Variants in IL10 observed in about 807,000 individuals in gnomAD.
IL10 encodes the protein interleukin 10.
IL10 carries 7 observed loss-of-function variants against 21.0 expected under a neutral mutation model. That is an observed-to-expected ratio of 0.33 (90% CI 0.19 to 0.63). The LOEUF is 0.63. IL10 is among the 20% of genes least tolerant of loss of function. The pLI, the probability that IL10 is intolerant of heterozygous loss-of-function variation, is 0.77. For missense variants in IL10, 161 were observed against 213.0 expected (o/e 0.76, Z 1.52); for synonymous variants, 83 against 79.7 (o/e 1.04, Z -0.22).
In IL10 at chr1:206,769,839, G is replaced by T. The variant is rs774072665; in HGVS notation, c.434C>A (p.Ala145Asp). 3.7e-6 allele frequency: 6 copies of T among 1,613,328 alleles called. No homozygotes were observed. Among genetic ancestry groups the T allele is most frequent in the Middle Eastern group, 1.7e-4 (1 of 6,012 alleles). ...ACCATCCAAGCTCACCTTATTAAAG[G>T]CATTCTTCACCTGCTCCACGGCCTT... ...KSKAVEQVKNAFNKLQEKGIY... is the reference protein window; with the variant it reads ...KSKAVEQVKNDFNKLQEKGIY... Residue 145 changes from alanine (A) to aspartate (D), a missense_variant, in exon 4 of 5, where the codon GCC becomes GAC. Ala to Asp is a moderately radical substitution (Grantham distance 126). Transcript: ENST00000423557.
chr1:206,770,558 A>T, intron 3 of IL10: 1 of 353,790 alleles, frequency 2.8e-6, no homozygotes, highest in Non-Finnish European at 5.3e-6. Context: ...TCTGCTTGGG[A>T]ACCTTAGCTC....
intron 2 of IL10, 122 bp from the exon 3 acceptor site, chr1:206,771,181 G>T (rs1043665980): frequency 2.4e-6 from 3 of 1,243,400 alleles, no homozygotes; most frequent in Admixed American, 3.4e-5. Flanking sequence ...AAGCCTCCCC[G>T]AAGGGACTGA....
intron 3 of IL10, 55 bp downstream of exon 3, chr1:206,770,852 T>G: frequency 6.5e-7 from 1 of 1,540,540 alleles, no homozygotes; most frequent in Non-Finnish European, 9.0e-7. Flanking sequence ...TGCTGGTCTG[T>G]AGGAGATGGT....
In IL10 at chr1:206,771,198, T is replaced by C; in HGVS notation, c.226-139A>G. ...GCCTCCCCGAAGGGACTGAGCCCTT[T>C]GTAAACCCTCTGGCTGCTGGATGTG... On this transcript the variant is annotated intron_variant, in intron 2 of 4. Transcript: ENST00000423557. 3.4e-6 allele frequency: 4 copies of C among 1,187,314 alleles called. 1 individual carries two copies. The South Asian group carries it at 4.9e-5, about 14-fold the overall frequency. The allele number at this position is 1,187,314 out of a possible 1,614,324, so 73.5% of individuals were successfully genotyped here. A position where few individuals can be genotyped will look rare whatever the true frequency, so the allele number is the denominator to read the frequency against.
At chr1:206,772,175 G>C in intron 1 of IL10, 96 bp downstream of exon 1, 1 of 1,050,206 alleles carries the variant, frequency 9.5e-7, no homozygotes, top group Admixed American at 1.8e-5. Context: ...GGGGATGGAG[G>C]TGGAGGCGCA....
At chr1:206,770,113 C>T (rs1470663349) in intron 3 of IL10, among the ~76,000 whole-genome samples, 1 of 152,166 alleles carries the variant, frequency 6.6e-6, no homozygotes, top group Admixed American at 6.5e-5. Flanking sequence ...GGATGACAAC[C>T]CAGGTCTTGG....
chr1:206,770,603 G>A, intron 3 of IL10: 1 of 437,516 alleles, frequency 2.3e-6, no homozygotes. Context: ...AGGCAGTGGA[G>A]GCCTGACTGA....
chr1:206,770,644 G>A, intron 3 of IL10: 1 of 526,086 alleles, frequency 1.9e-6, no homozygotes, highest in Non-Finnish European at 3.4e-6. Context: ...AAGAGAGAGG[G>A]GAGTAGTTAA....
intron 3 of IL10, chr1:206,770,297 C>T (rs767953043): frequency 4.1e-5 from 14 of 343,512 alleles, no homozygotes; most frequent in Non-Finnish European, 7.4e-5. Flanking sequence ...TTCACATAGC[C>T]TTGTCCTACA....
intron 4 of IL10, 74 bp from the exon 5 acceptor site, chr1:206,768,802 A>G (rs1674737583): frequency 1.2e-6 from 1 of 862,526 alleles, no homozygotes; most frequent in South Asian, 1.4e-5. Flanking sequence ...CCTCATGCTC[A>G]TGGATGGGCA....
chr1:206,771,557 A>G lies in IL10; in HGVS notation c.166-142T>C, dbSNP rs888460473. 4.2e-6 allele frequency: 3 copies of G among 720,420 alleles called. No individual in the cohort carries two copies. In the Admixed American group the frequency reaches 6.2e-5, roughly 15 times the overall value. 44.6% of individuals were successfully genotyped at this position (720,420 alleles called of 1,614,324 possible). A position where few individuals can be genotyped will look rare whatever the true frequency, so the allele number is the denominator to read the frequency against. Reference sequence around the variant, plus strand: ...CAAAAAAATCAAAAGGGGAGTTTTAAAAACAGAGGATTCAACAGTGATGGG... The same window carrying G: ...CAAAAAAATCAAAAGGGGAGTTTTAGAAACAGAGGATTCAACAGTGATGGG... On this transcript the variant is annotated intron_variant, in intron 1 of 4. Transcript: ENST00000423557.
chr1:206,768,862 C>G (rs1223012966), intron 4 of IL10, 134 bp from the exon 5 acceptor site: 4 of 700,780 alleles, frequency 5.7e-6, no homozygotes, highest in Non-Finnish European at 1.0e-5. Flanking sequence ...GGGAAGTAAA[C>G]CAGAGGATAG....
intron 3 of IL10, chr1:206,770,371 C>A: frequency 3.7e-6 from 1 of 269,842 alleles, no homozygotes; most frequent in Non-Finnish European, 7.3e-6. Flanking sequence ...GTAGTGAGGG[C>A]ATCATTTCAG....
chr1:206,770,624 T>G, intron 3 of IL10: 1 of 478,376 alleles, frequency 2.1e-6, no homozygotes, highest in Non-Finnish European at 3.8e-6. Context: ...AGCTCTGGGC[T>G]CCTTTTATGA....
In IL10 at chr1:206,770,892, T is replaced by G. The variant is rs1674809964; in HGVS notation, c.378+15A>C. Reference sequence around the variant, plus strand: ...TGGGGGCAGCTGCAAGGGAAAAAACTGATCTGCTACTTACACAGCGCCGTA... The same window carrying G: ...TGGGGGCAGCTGCAAGGGAAAAAACGGATCTGCTACTTACACAGCGCCGTA... On this transcript the variant is annotated intron_variant, in intron 3 of 4. Transcript: ENST00000423557. The G allele has an allele frequency of 6.2e-7, 1 of 1,613,700 alleles. No homozygotes were observed. The highest frequency in any genetic ancestry group is 1.3e-5 in the African/African-American group (1 of 74,906).
intron 2 of IL10, 37 bp from the exon 3 acceptor site, chr1:206,771,096 G>C (rs765131042): frequency 9.9e-6 from 16 of 1,611,858 alleles, no homozygotes; most frequent in Non-Finnish European, 1.4e-5. Context: ...AGAGATTGGC[G>C]GAGGTGGCTG....
rs1319282028 is a variant in IL10, at chr1:206,769,887, A to T, written c.386T>A (p.Phe129Tyr). ...CTTGCTCTTGTTTTCACAGGGAAGA[A>T]ATCGATGCTGTGGAAGAAAAGAGAA... ...LRLRLRRCHR[F>Y]LPCENKSKAV... The change falls in exon 4 of 5, where the codon TTT becomes TAT. Residue 129 changes from phenylalanine to tyrosine, a missense_variant. Phe to Tyr is a conservative substitution (Grantham distance 22). Coordinates refer to ENST00000423557, the MANE Select transcript of IL10 (RefSeq NM_000572.3). 1 of 1,613,688 alleles carries T rather than the reference A, an allele frequency of 6.2e-7. No homozygotes were observed. The highest frequency in any genetic ancestry group is 8.5e-7 in the Non-Finnish European group (1 of 1,179,570).
At chr1:206,770,004 C>T (rs1197752178) in intron 3 of IL10, 110 bp from the exon 4 acceptor site, 3 of 821,670 alleles carry the variant, frequency 3.7e-6, no homozygotes, top group Non-Finnish European at 6.3e-6. Context: ...ATCCAAATGC[C>T]TTGCCTCACA....
intron 4 of IL10, among the ~76,000 whole-genome samples, chr1:206,769,068 C>T (rs3024495): frequency 0.11 from 16,598 of 152,212 alleles, 1,174 homozygotes; most frequent in Non-Finnish European, 0.16. Context: ...GAAAGCAAGA[C>T]GGTGAGAGGA....
Sources: allele counts gnomAD v4.1 joint callset (sites outside exome capture counted in the v4.1 genomes callset), GRCh38; gene constraint gnomAD v4.1.1; transcripts MANE v1.5; gene names NCBI Gene and HGNC (gene_info 2026-07-23, HGNC 2026-07-21).